GPC6: variants seen among roughly 807,000 people sequenced by gnomAD.
GPC6 encodes glypican 6, also known as glypican-6.
GPC6 carries 14 observed loss-of-function variants against 55.2 expected under a neutral mutation model. That is an observed-to-expected ratio of 0.25 (90% CI 0.17 to 0.40). The LOEUF (loss-of-function observed/expected upper bound fraction) is 0.40. Among genes scored for constraint, GPC6 ranks in the 10% least tolerant of loss-of-function variants. GPC6 has a pLI of 1.00. For missense variants in GPC6, 641 were observed against 708.5 expected, an observed-to-expected ratio of 0.90 and a Z score of 1.08; for synonymous variants, 278 against 259.6, an observed-to-expected ratio of 1.07 and a Z score of -0.68.
At chr13:93,344,216 A>C (rs1230081183) in intron 1 of GPC6, among the ~76,000 whole-genome samples, 1 of 152,192 alleles carries the variant, frequency 6.6e-6, no homozygotes, top group East Asian at 1.9e-4. Context: ...TTCTGTGGTC[A>C]AACTGGCCCC....
chr13:93,607,471 G>T (rs575160068), intron 2 of GPC6, among the ~76,000 whole-genome samples: 1 of 152,130 alleles, frequency 6.6e-6, no homozygotes, highest in African/African-American at 2.4e-5. Context: ...AAAGGGCCTT[G>T]CCCCACATCC....
chr13:93,660,799 A>G (rs1566473833), intron 2 of GPC6, among the ~76,000 whole-genome samples: 1 of 152,192 alleles, frequency 6.6e-6, no homozygotes, highest in Non-Finnish European at 1.5e-5. Context: ...CTTAATTTAC[A>G]CTGGATCTTT....
chr13:94,389,837 C>G (rs1244610850), intron 7 of GPC6, among the ~76,000 whole-genome samples: 1 of 152,200 alleles, frequency 6.6e-6, no homozygotes, highest in Non-Finnish European at 1.5e-5. Flanking sequence ...TGACGTTGCT[C>G]CTTGTAAGGC....
At chr13:93,791,561 A>G (rs1285892910) in intron 2 of GPC6, among the ~76,000 whole-genome samples, 1 of 152,260 alleles carries the variant, frequency 6.6e-6, no homozygotes, top group Non-Finnish European at 1.5e-5. Flanking sequence ...TGAGCTTCAC[A>G]AAGAGTAGTC....
chr13:93,864,915 C>G (rs929680004), intron 3 of GPC6, among the ~76,000 whole-genome samples: 12 of 151,602 alleles, frequency 7.9e-5, no homozygotes, highest in African/African-American at 2.9e-4. Context: ...TGTAAAATCT[C>G]ATGACTTAAG....
At chr13:94,395,871 T>A (rs1231454742) in intron 7 of GPC6, among the ~76,000 whole-genome samples, 4 of 152,126 alleles carry the variant, frequency 2.6e-5, no homozygotes, top group Non-Finnish European at 5.9e-5. Context: ...TCTTCATCAA[T>A]CCACTGTGGC....
At chr13:94,383,206 G>A (rs1267012482) in intron 7 of GPC6, among the ~76,000 whole-genome samples, 1 of 152,178 alleles carries the variant, frequency 6.6e-6, no homozygotes, top group Admixed American at 6.5e-5. Flanking sequence ...AGGGTGGGGA[G>A]GCTGGATGGG....
chr13:93,728,295 C>T (rs1052024971), intron 2 of GPC6, among the ~76,000 whole-genome samples: 7 of 152,016 alleles, frequency 4.6e-5, no homozygotes, highest in Non-Finnish European at 5.9e-5. Context: ...TGGCTCATTG[C>T]AGCCTCAATT....
At chr13:94,206,367 C>T (rs1889901943) in intron 4 of GPC6, among the ~76,000 whole-genome samples, 1 of 152,150 alleles carries the variant, frequency 6.6e-6, no homozygotes, top group Admixed American at 6.5e-5. Context: ...ACACTACATG[C>T]TGCAGACCAC....
chr13:93,453,548 A>T (rs894106177), intron 1 of GPC6, among the ~76,000 whole-genome samples: 1 of 85,270 alleles, frequency 1.2e-5, no homozygotes, highest in Non-Finnish European at 2.9e-5. Flanking sequence ...GGACCCTCGC[A>T]GTGAGTGTTA....
intron 4 of GPC6, among the ~76,000 whole-genome samples, chr13:94,208,578 T>A (rs1889974453): frequency 6.6e-6 from 1 of 151,892 alleles, no homozygotes; most frequent in African/African-American, 2.4e-5. Context: ...GAGGTGGCTG[T>A]TTAGAAACCA....
chr13:94,050,148 G>A (rs1883889975), intron 4 of GPC6, among the ~76,000 whole-genome samples: 2 of 151,886 alleles, frequency 1.3e-5, no homozygotes, highest in Non-Finnish European at 1.5e-5. Flanking sequence ...AACAAATACA[G>A]GTATTTTTTC....
chr13:94,009,787 A>C (rs555441538), intron 3 of GPC6, among the ~76,000 whole-genome samples: 1 of 152,138 alleles, frequency 6.6e-6, no homozygotes, highest in Admixed American at 6.5e-5. Context: ...CTCTCCTGAG[A>C]GTTATGTACG....
intron 4 of GPC6, among the ~76,000 whole-genome samples, chr13:94,091,443 T>C (rs2138812070): frequency 6.6e-6 from 1 of 152,318 alleles, no homozygotes; most frequent in Non-Finnish European, 1.5e-5. Context: ...ACTAATCTGA[T>C]TCTACTTTTG....
intron 2 of GPC6, among the ~76,000 whole-genome samples, chr13:93,716,502 A>G (rs1433590414): frequency 6.6e-6 from 1 of 151,654 alleles, no homozygotes; most frequent in Non-Finnish European, 1.5e-5. Flanking sequence ...CAAAATTAAA[A>G]TGTAAAAAAA....
intron 4 of GPC6, among the ~76,000 whole-genome samples, chr13:94,074,880 G>A (rs1216949855): frequency 6.6e-6 from 1 of 152,028 alleles, no homozygotes; most frequent in African/African-American, 2.4e-5. Context: ...ATATGAATAT[G>A]GTACAGTCAA....
At chr13:93,287,825 T>G (rs1212261854) in intron 1 of GPC6, among the ~76,000 whole-genome samples, 1 of 152,246 alleles carries the variant, frequency 6.6e-6, no homozygotes, top group Non-Finnish European at 1.5e-5. Flanking sequence ...TATTGTCAAT[T>G]AAAATAATCT....
intron 4 of GPC6, among the ~76,000 whole-genome samples, chr13:94,186,712 G>T (rs551221643): frequency 6.6e-6 from 1 of 152,238 alleles, no homozygotes; most frequent in East Asian, 1.9e-4. Flanking sequence ...TATTTTTATA[G>T]AGTTCTATCT....
At chr13:93,755,887 T>C (rs1470176744) in intron 2 of GPC6, among the ~76,000 whole-genome samples, 1 of 152,186 alleles carries the variant, frequency 6.6e-6, no homozygotes, top group Non-Finnish European at 1.5e-5. Context: ...TTTTGAAATC[T>C]AGAAGAATTT....
Sources: allele counts gnomAD v4.1 joint callset (sites outside exome capture counted in the v4.1 genomes callset), GRCh38; gene constraint gnomAD v4.1.1; transcripts MANE v1.5; gene names NCBI Gene and HGNC (gene_info 2026-07-23, HGNC 2026-07-21).